PCDHA12: variants seen among roughly 807,000 people sequenced by gnomAD.
The protein encoded by PCDHA12 is protocadherin alpha 12.
In PCDHA12, 44 loss-of-function variants were observed where a neutral mutation model predicts 60.0. The observed-to-expected ratio is 0.73, with a 90% CI of 0.58 to 0.94. The LOEUF (loss-of-function observed/expected upper bound fraction) is 0.94. Ranked by LOEUF, PCDHA12 falls within the 40% of genes least tolerant of loss-of-function variation. The probability of loss-of-function intolerance (pLI) is 0.00; values close to 1 mark genes in which losing one functional copy is unlikely to be tolerated. For missense variants in PCDHA12, 1,276 were observed against 1,239.7 expected (o/e 1.03, Z -0.44); for synonymous variants, 569 against 553.0 (o/e 1.03, Z -0.40).
intron 1 of PCDHA12, among the ~76,000 whole-genome samples, chr5:140,924,900 AAAAAATAAAAT>A (rs2082119593): frequency 1.6e-5 from 1 of 63,328 alleles, no homozygotes; most frequent in African/African-American, 5.4e-5. Context: ...GTCTCAAAAA[AAAAAATAAAAT>A]AAAATAAAAT....
chr5:140,922,564 A>G (rs556829032), intron 1 of PCDHA12, among the ~76,000 whole-genome samples: 1 of 152,358 alleles, frequency 6.6e-6, no homozygotes, highest in South Asian at 2.1e-4. Context: ...AGTCAGGATG[A>G]CAAGTTGCCC....
Position 140,927,865 on chromosome 5 carries a change from A to G in PCDHA12, c.2367+50026A>G, listed in dbSNP as rs576160357. 6.8e-6 allele frequency: 11 copies of G among 1,614,110 alleles called. No homozygotes were observed. In the Admixed American group the frequency reaches 1.3e-4, roughly 20 times the overall value. On this transcript the variant is annotated intron_variant, in intron 1 of 3. Transcript: ENST00000398631. Reference sequence around the variant, plus strand: ...TGTCTTTGGTTTAGCTAGCACCGCTAAACTGCTGGTGGAGGTGACTGACGT... The same window carrying G: ...TGTCTTTGGTTTAGCTAGCACCGCTGAACTGCTGGTGGAGGTGACTGACGT...
At chr5:140,895,653 A>G (rs1247218282) in intron 1 of PCDHA12, among the ~76,000 whole-genome samples, 1 of 152,150 alleles carries the variant, frequency 6.6e-6, no homozygotes, top group Non-Finnish European at 1.5e-5. Flanking sequence ...GCTCCCACTT[A>G]TAAGTGAGAA....
chr5:140,918,706 G>A (rs528090085), intron 1 of PCDHA12, among the ~76,000 whole-genome samples: 10 of 152,108 alleles, frequency 6.6e-5, no homozygotes, highest in Non-Finnish European at 1.5e-4. Context: ...AGTCATGAGG[G>A]CAGAGCCCTC....
At chr5:140,929,421 A>G (rs2086144210) in intron 1 of PCDHA12, 2 of 1,502,092 alleles carry the variant, frequency 1.3e-6, no homozygotes, top group Non-Finnish European at 1.8e-6. Flanking sequence ...ACAACATTTC[A>G]TCAATTGAAC....
At position 140,877,048 on chromosome 5, in the gene PCDHA12, G is replaced by A. The variant is rs376952553; in HGVS notation, c.1576G>A (p.Glu526Lys). The A allele has an allele frequency of 1.2e-6, 2 of 1,612,558 alleles. No homozygotes were observed. Among genetic ancestry groups the A allele is most frequent in the East Asian group, 2.2e-5 (1 of 44,878 alleles). ...KVYALQPLDH[E>K]ELELLQFQVS... Reference sequence around the variant, plus strand: ...GTACGCGCTGCAGCCGCTAGACCACGAGGAGCTGGAGCTGCTGCAGTTCCA... The same window carrying A: ...GTACGCGCTGCAGCCGCTAGACCACAAGGAGCTGGAGCTGCTGCAGTTCCA... The change falls in exon 1 of 4, where the codon GAG becomes AAG. Residue 526 changes from glutamate (E) to lysine (K), a missense_variant. Glu to Lys is a moderately conservative substitution (Grantham distance 56). Transcript: ENST00000398631.
intron 1 of PCDHA12, among the ~76,000 whole-genome samples, chr5:140,973,377 G>T (rs1176312664): frequency 1.3e-5 from 2 of 152,208 alleles, no homozygotes; most frequent in Non-Finnish European, 2.9e-5. Context: ...ACAATGGTCA[G>T]AATAGACAAA....
chr5:140,884,702 T>C (rs1362804646), intron 1 of PCDHA12: 7 of 1,495,380 alleles, frequency 4.7e-6, no homozygotes, highest in East Asian at 4.7e-5. Context: ...GTAAACACTT[T>C]AGCCTTCCTT....
intron 1 of PCDHA12, among the ~76,000 whole-genome samples, chr5:140,964,925 T>C (rs1586044682): frequency 6.6e-6 from 1 of 152,148 alleles, no homozygotes; most frequent in African/African-American, 2.4e-5. Flanking sequence ...ACTGGCTAGG[T>C]AGTGGAGCAT....
intron 1 of PCDHA12, among the ~76,000 whole-genome samples, chr5:140,906,212 A>C (rs2072460025): frequency 6.6e-6 from 1 of 152,194 alleles, no homozygotes; most frequent in South Asian, 2.1e-4. Context: ...CTCAGTATTA[A>C]CCATCACAAG....
chr5:140,929,283 G>C lies in PCDHA12; in HGVS notation c.2368-49666G>C, dbSNP rs782178876. On this transcript the variant is annotated intron_variant, in intron 1 of 3. Coordinates refer to ENST00000398631, the MANE Select transcript of PCDHA12 (RefSeq NM_018903.4). ...TGAATTTGCCAATATCCTGTATTCA[G>C]ATTCGGAATAGGAAAGGGGATCACG... 52 of 1,600,904 alleles carry C rather than the reference G, an allele frequency of 3.2e-5. No homozygotes were observed. The African/African-American group carries it at 6.7e-4, about 21-fold the overall frequency.
intron 1 of PCDHA12, among the ~76,000 whole-genome samples, chr5:140,956,438 G>A (rs891696288): frequency 1.3e-5 from 2 of 152,154 alleles, no homozygotes; most frequent in Non-Finnish European, 2.9e-5. Context: ...TTCTGCTTAT[G>A]TGATGAATTA....
chr5:140,883,980 G>A, intron 1 of PCDHA12: 1 of 1,612,872 alleles, frequency 6.2e-7, no homozygotes, highest in Non-Finnish European at 8.5e-7. Context: ...CCCGGGGCTG[G>A]CAGCGCGGGA....
At chr5:140,907,144 G>A (rs1006725502) in intron 1 of PCDHA12, among the ~76,000 whole-genome samples, 17 of 152,104 alleles carry the variant, frequency 1.1e-4, no homozygotes, top group Non-Finnish European at 2.4e-4. Flanking sequence ...CCGGCTATGG[G>A]AGAAACAGTA....
At position 140,927,544 on chromosome 5, in the gene PCDHA12, C is replaced by G. The variant is rs1442526060; in HGVS notation, c.2367+49705C>G. 2.5e-6 allele frequency: 4 copies of G among 1,614,034 alleles called. No homozygotes were observed. The East Asian group carries it at 6.7e-5, about 27-fold the overall frequency. ...GCTACCTGCCCGCTCAGGAGACGCA[C>G]AAGTCACCATCATTGTGGTGGACAC... On this transcript the variant is annotated intron_variant, in intron 1 of 3. Transcript: ENST00000398631.
chr5:140,998,059 C>T (rs1471709750), intron 3 of PCDHA12, among the ~76,000 whole-genome samples: 1 of 152,154 alleles, frequency 6.6e-6, no homozygotes, highest in East Asian at 1.9e-4. Context: ...ACATCATCAT[C>T]AACAGACTTA....
At chr5:140,941,253 T>TTCTTTCTTTCTC (rs1563187863) in intron 1 of PCDHA12, among the ~76,000 whole-genome samples, 4 of 64,962 alleles carry the variant, frequency 6.2e-5, no homozygotes, top group Non-Finnish European at 1.0e-4. Flanking sequence ...CTTTCTTTCT[T>TTCTTTCTTTCTC]TCTCTTTCTT....
At chr5:140,970,331 T>C (rs1442466340) in intron 1 of PCDHA12, among the ~76,000 whole-genome samples, 1 of 152,210 alleles carries the variant, frequency 6.6e-6, no homozygotes, top group African/African-American at 2.4e-5. Context: ...TTCCAAAGCA[T>C]GCATTCATTT....
chr5:140,966,206 T>C, intron 1 of PCDHA12: 1 of 227,662 alleles, frequency 4.4e-6, no homozygotes, highest in Non-Finnish European at 8.5e-6. Context: ...GCTTGACTGC[T>C]TTTCCCAGAC....
Sources: allele counts gnomAD v4.1 joint callset (sites outside exome capture counted in the v4.1 genomes callset), GRCh38; gene constraint gnomAD v4.1.1; transcripts MANE v1.5; gene names NCBI Gene and HGNC (gene_info 2026-07-23, HGNC 2026-07-21).